IRAK4: variants seen among roughly 807,000 people sequenced by gnomAD.
IRAK4 encodes the protein interleukin 1 receptor associated kinase 4, also known as interleukin-1 receptor-associated kinase 4.
Under a neutral mutation model 51.8 loss-of-function variants are expected in IRAK4, and 44 were observed. The ratio of observed to expected loss-of-function variants is 0.85; its 90% CI spans 0.67 to 1.09. IRAK4 has a LOEUF of 1.09. Ranked by LOEUF, IRAK4 falls within the 50% of genes least tolerant of loss-of-function variation. The pLI is 0.00. For synonymous variants in IRAK4, 149 were observed against 174.1 expected, an observed-to-expected ratio of 0.86 and a Z score of 1.13; for missense variants, 487 against 538.0, an observed-to-expected ratio of 0.91 and a Z score of 0.94.
At chr12:43,771,449 T>G in intron 3 of IRAK4, 84 bp downstream of exon 3, 1 of 1,404,590 alleles carries the variant, frequency 7.1e-7, no homozygotes, top group East Asian at 2.3e-5. Context: ...TACTCTTCCT[T>G]TTTTCTCATA....
chr12:43,781,224 T>A (rs1941751479), intron 8 of IRAK4, among the ~76,000 whole-genome samples: 1 of 152,206 alleles, frequency 6.6e-6, no homozygotes, highest in African/African-American at 2.4e-5. Context: ...GTTATGACCA[T>A]TTAAACCCTC....
intron 6 of IRAK4, among the ~76,000 whole-genome samples, chr12:43,776,932 T>A (rs1941329413): frequency 1.3e-5 from 2 of 152,214 alleles, no homozygotes; most frequent in African/African-American, 4.8e-5. Flanking sequence ...TTGAGTGTGT[T>A]AGAAAATTCT....
In IRAK4 at chr12:43,789,278, G is replaced by C. The variant is rs756483703; in HGVS notation, c.*2563G>C. 1 of 152,144 alleles carries C rather than the reference G, an allele frequency of 6.6e-6. No individual in the cohort carries two copies. 9.4% of individuals were successfully genotyped at this position (152,144 alleles called of 1,614,324 possible). A position where few individuals can be genotyped will look rare whatever the true frequency, so the allele number is the denominator to read the frequency against. ...TGATGAGTGAGTTCTCACTCAGTTC[G>C]TGTGAGATCTGGTGGCTTAAAAGAG... On this transcript the variant is annotated 3_prime_UTR_variant, in exon 12 of 12. Coordinates refer to ENST00000613694, the MANE Select transcript of IRAK4 (RefSeq NM_016123.4).
At chr12:43,774,449 G>A (rs549310206) in intron 6 of IRAK4, among the ~76,000 whole-genome samples, 3 of 152,044 alleles carry the variant, frequency 2.0e-5, no homozygotes, top group African/African-American at 4.8e-5. Context: ...GGGTTTCACC[G>A]TGTTAGCCAG....
intron 3 of IRAK4, among the ~76,000 whole-genome samples, chr12:43,771,568 C>T (rs1259628971): frequency 6.6e-6 from 1 of 152,186 alleles, no homozygotes; most frequent in Admixed American, 6.5e-5. Flanking sequence ...GTGATAGAAG[C>T]TTCGTAAGAG....
intron 5 of IRAK4, chr12:43,773,698 C>T: frequency 3.5e-6 from 1 of 288,952 alleles, no homozygotes; most frequent in South Asian, 6.8e-5. Context: ...GAATTTTTTT[C>T]AAATTTTTTT....
chr12:43,774,507 A>G (rs1449923261), intron 6 of IRAK4, among the ~76,000 whole-genome samples: 1 of 152,164 alleles, frequency 6.6e-6, no homozygotes, highest in African/African-American at 2.4e-5. Flanking sequence ...TCAGCCTCCC[A>G]AAGAGCTGGG....
intron 6 of IRAK4, among the ~76,000 whole-genome samples, chr12:43,776,992 G>C (rs1941335380): frequency 1.3e-5 from 2 of 152,168 alleles, no homozygotes; most frequent in Non-Finnish European, 2.9e-5. Context: ...TCTTATTTGT[G>C]CCATCATTGA....
intron 8 of IRAK4, among the ~76,000 whole-genome samples, chr12:43,781,151 A>G (rs1194840051): frequency 1.3e-5 from 2 of 152,304 alleles, no homozygotes; most frequent in East Asian, 1.9e-4. Flanking sequence ...CATTCTCTAT[A>G]TCATGCTAAT....
intron 2 of IRAK4, among the ~76,000 whole-genome samples, chr12:43,769,588 G>T (rs1176459939): frequency 1.3e-5 from 2 of 152,110 alleles, no homozygotes; most frequent in Non-Finnish European, 1.5e-5. Context: ...GGAAGTCAAG[G>T]CTGCAGTGAG....
At position 43,778,258 on chromosome 12, in the gene IRAK4, C is replaced by G; in HGVS notation, c.897C>G (p.Ile299Met). The stretch of plus-strand genomic sequence containing the variant: ...TTGCTCAGGGTGCAGCTAATGGCAT[C>G]AATTTTCTACATGAAAATCATCATA... ...CKIAQGAANG[I>M]NFLHENHHIH... The change falls in exon 8 of 12, where the codon ATC (isoleucine) becomes ATG (methionine). Residue 299 changes from isoleucine (I) to methionine (M), a missense_variant. Ile to Met is a conservative substitution (Grantham distance 10). Coordinates refer to ENST00000613694, the MANE Select transcript of IRAK4 (RefSeq NM_016123.4). 8 of 1,610,062 alleles carry G rather than the reference C, an allele frequency of 5.0e-6. No homozygotes were observed. Among genetic ancestry groups the G allele is most frequent in the Non-Finnish European group, 6.8e-6 (8 of 1,176,444 alleles).
chr12:43,777,388 C>G (rs1036458554), intron 6 of IRAK4, among the ~76,000 whole-genome samples: 1 of 150,106 alleles, frequency 6.7e-6, no homozygotes. Flanking sequence ...GACCCTGTCT[C>G]AAAAAAAAGA....
intron 2 of IRAK4, 134 bp from the exon 3 acceptor site, chr12:43,771,086 C>A: frequency 1.2e-6 from 1 of 815,458 alleles, no homozygotes; most frequent in Non-Finnish European, 2.0e-6. Flanking sequence ...CGATCTTGGA[C>A]TTCCCAGCCT....
intron 5 of IRAK4, 53 bp downstream of exon 5, chr12:43,773,125 A>G: frequency 6.7e-7 from 1 of 1,484,534 alleles, no homozygotes; most frequent in Non-Finnish European, 9.3e-7. Context: ...AGTGTGCCCT[A>G]TAATAGGTTT....
At chr12:43,780,416 A>G (rs1941674788) in intron 8 of IRAK4, among the ~76,000 whole-genome samples, 1 of 152,074 alleles carries the variant, frequency 6.6e-6, no homozygotes, top group African/African-American at 2.4e-5. Flanking sequence ...GAAGAGAGAA[A>G]TGAGATGATG....
At chr12:43,770,135 T>C (rs1940596843) in intron 2 of IRAK4, among the ~76,000 whole-genome samples, 1 of 152,176 alleles carries the variant, frequency 6.6e-6, no homozygotes, top group Non-Finnish European at 1.5e-5. Flanking sequence ...AGAAACAATA[T>C]TGGTTAAATT....
At chr12:43,771,404 G>A in intron 3 of IRAK4, 39 bp downstream of exon 3, 1 of 1,605,184 alleles carries the variant, frequency 6.2e-7, no homozygotes, top group East Asian at 2.2e-5. Flanking sequence ...AATTAGGGTG[G>A]AAAGACAAAT....
Position 43,784,771 on chromosome 12 carries a change from G to A in IRAK4, c.1188+1047G>A, listed in dbSNP as rs540862193. Among the ~76,000 whole-genome samples, 329 of 152,178 alleles carry A rather than the reference G, an allele frequency of 2.2e-3. 1 individual carries two copies. The highest frequency in any genetic ancestry group is 6.8e-3 in the Middle Eastern group (2 of 294). ...GTTTTACTCTTTCACCCATTCTTAA[G>A]GTTTGACTGTGATGTGACTCTAAAG... On this transcript the variant is annotated intron_variant, in intron 10 of 11. Transcript: ENST00000613694.
chr12:43,773,742 T>G (rs1212064479), intron 5 of IRAK4: 5 of 359,456 alleles, frequency 1.4e-5, no homozygotes, highest in Non-Finnish European at 2.5e-5. Flanking sequence ...TCATTTTGTT[T>G]CCACAACTCA....
Sources: allele counts gnomAD v4.1 joint callset (sites outside exome capture counted in the v4.1 genomes callset), GRCh38; gene constraint gnomAD v4.1.1; transcripts MANE v1.5; gene names NCBI Gene and HGNC (gene_info 2026-07-23, HGNC 2026-07-21).